Variants in PRTFDC1 observed in about 807,000 individuals in gnomAD.
The protein encoded by PRTFDC1 is phosphoribosyl transferase domain containing 1, also known as phosphoribosyltransferase domain-containing protein 1.
In PRTFDC1, 38 loss-of-function variants were observed where a neutral mutation model predicts 34.6. The ratio of observed to expected loss-of-function variants is 1.10; its 90% CI spans 0.85 to 1.44. The LOEUF is 1.44. PRTFDC1 is among the 40% of genes most tolerant of loss of function. The pLI, the probability that PRTFDC1 is intolerant of heterozygous loss-of-function variation, is 0.00. For missense variants in PRTFDC1, 270 were observed against 283.0 expected, an observed-to-expected ratio of 0.95 and a Z score of 0.33; for synonymous variants, 93 against 98.1, an observed-to-expected ratio of 0.95 and a Z score of 0.31.
At chr10:24,899,957 G>A (rs980795404) in intron 3 of PRTFDC1, among the ~76,000 whole-genome samples, 2 of 152,206 alleles carry the variant, frequency 1.3e-5, no homozygotes, top group East Asian at 1.9e-4. Flanking sequence ...GGTGGAAAAT[G>A]GATTGGAAAA....
intron 3 of PRTFDC1, among the ~76,000 whole-genome samples, chr10:24,892,203 T>A (rs1848274513): frequency 6.6e-6 from 1 of 152,102 alleles, no homozygotes. Context: ...CCCAGGCTGA[T>A]CTTGAACTCC....
At chr10:24,852,373 G>A (rs904226095) in intron 7 of PRTFDC1, among the ~76,000 whole-genome samples, 2 of 152,056 alleles carry the variant, frequency 1.3e-5, no homozygotes, top group African/African-American at 4.8e-5. Flanking sequence ...GGCCAGTCTC[G>A]AACTCTTGAC....
chr10:24,927,552 A>G (rs1189394497), intron 3 of PRTFDC1, among the ~76,000 whole-genome samples: 1 of 151,936 alleles, frequency 6.6e-6, no homozygotes, highest in African/African-American at 2.4e-5. Flanking sequence ...TGTTTGCAAA[A>G]GAGTATTGAA....
Position 24,921,290 on chromosome 10 carries a change from A to C in PRTFDC1, c.339+15894T>G, listed in dbSNP as rs189402345. On this transcript the variant is annotated intron_variant, in intron 3 of 8. Coordinates refer to ENST00000320152, the MANE Select transcript of PRTFDC1 (RefSeq NM_020200.7). Reference sequence around the variant, plus strand: ...TACACACGCCAATGTGAATTTTGGAAGTGTGAGTTGGGGCAGACTTCTGAG... The same window carrying C: ...TACACACGCCAATGTGAATTTTGGACGTGTGAGTTGGGGCAGACTTCTGAG... Among the ~76,000 whole-genome samples, 174 of 152,224 alleles carry C rather than the reference A, an allele frequency of 1.1e-3. 1 individual carries two copies. Among genetic ancestry groups the C allele is most frequent in the African/African-American group, 3.3e-3 (136 of 41,536 alleles).
chr10:24,942,429 T>C lies in PRTFDC1; in HGVS notation c.56A>G (p.Asp19Gly), dbSNP rs769211442. The C allele has an allele frequency of 1.2e-6, 2 of 1,611,942 alleles. No homozygotes were observed. The highest frequency in any genetic ancestry group is 2.2e-5 in the East Asian group (1 of 44,884). The change falls in exon 2 of 9, where the codon GAT becomes GGT. Residue 19 changes from aspartate (D) to glycine (G), a missense_variant. By Grantham distance (94) the Asp-to-Gly change is moderately conservative. Coordinates refer to ENST00000320152, the MANE Select transcript of PRTFDC1 (RefSeq NM_020200.7). ...PDYGRGVVIM[D>G]DWPGYDLNLF... Reference sequence around the variant, plus strand: ...ATTCAAGTCATACCCTGGCCAATCATCCATAATCTGCAAATCAAATTATTT... The same window carrying C: ...ATTCAAGTCATACCCTGGCCAATCACCCATAATCTGCAAATCAAATTATTT...
chr10:24,907,583 G>A (rs1031335465), intron 3 of PRTFDC1, among the ~76,000 whole-genome samples: 3 of 152,160 alleles, frequency 2.0e-5, no homozygotes, highest in Non-Finnish European at 4.4e-5. Context: ...GCAACAGAGT[G>A]AGACTCTGTC....
intron 3 of PRTFDC1, among the ~76,000 whole-genome samples, chr10:24,893,259 T>TCC (rs1466898528): frequency 1.3e-5 from 2 of 151,236 alleles, no homozygotes; most frequent in Non-Finnish European, 1.5e-5. Context: ...TCTTTTGTTC[T>TCC]CTCTCTCTCT....
At chr10:24,951,492 AC>A in intron 1 of PRTFDC1, 6 of 908,058 alleles carry the variant, frequency 6.6e-6, no homozygotes, top group Non-Finnish European at 7.9e-6. Context: ...ACTGAGCCCC[AC>A]ATTTCAACCT....
rs79518947 is a variant in PRTFDC1, at chr10:24,914,030, G to A, written c.339+23154C>T. Among the ~76,000 whole-genome samples, 28 of 152,276 alleles carry A rather than the reference G, an allele frequency of 1.8e-4. No individual in the cohort carries two copies. In the East Asian group the frequency reaches 5.2e-3, roughly 28 times the overall value. On this transcript the variant is annotated intron_variant, in intron 3 of 8. Transcript: ENST00000320152. ...GACCATGAACTCTAGTAGGAAAAGT[G>A]AAATCCAAAACTAACACTGCCCTAT...
intron 1 of PRTFDC1, among the ~76,000 whole-genome samples, chr10:24,951,789 T>C (rs960897799): frequency 6.6e-6 from 1 of 152,178 alleles, no homozygotes; most frequent in African/African-American, 2.4e-5. Flanking sequence ...GGGTACCCTC[T>C]GGCTGACACC....
In PRTFDC1 at chr10:24,942,339, A is replaced by T. The variant is rs1474775371; in HGVS notation, c.146T>A (p.Ile49Asn). 18 of 1,610,470 alleles carry T rather than the reference A, an allele frequency of 1.1e-5. No homozygotes were observed. In the African/African-American group the frequency reaches 2.3e-4, roughly 20 times the overall value. Residue 49 changes from isoleucine (I) to asparagine (N), a missense_variant, in exon 2 of 9, where the codon ATT becomes AAT. Physicochemically the swap from Ile to Asn is moderately radical, Grantham distance 149. Coordinates refer to ENST00000320152, the MANE Select transcript of PRTFDC1 (RefSeq NM_020200.7). ...AGGAAATCACACTCACCTGTCCACA[A>T]TGATACCATGAGGGATGAGGACATA... ...LEYVLIPHGI[I>N]VDRIERLAKD...
chr10:24,905,564 C>T (rs1205880422), intron 3 of PRTFDC1, among the ~76,000 whole-genome samples: 1 of 151,990 alleles, frequency 6.6e-6, no homozygotes, highest in African/African-American at 2.4e-5. Context: ...CCACCTGCCT[C>T]GGCCTCCCAA....
intron 3 of PRTFDC1, among the ~76,000 whole-genome samples, chr10:24,905,609 A>T (rs1422848955): frequency 1.3e-5 from 2 of 151,952 alleles, no homozygotes; most frequent in Non-Finnish European, 2.9e-5. Flanking sequence ...CACCTTGCCA[A>T]GCCAAGAAAT....
chr10:24,941,784 T>C lies in PRTFDC1; in HGVS notation c.155+546A>G, dbSNP rs1230804662. ...CTTCCCAAACTGGTATTAAGGGAAA[T>C]CTCTTCTGAGAGTTGTAAATAGGTA... is the stretch of plus-strand genomic sequence containing the variant. On this transcript the variant is annotated intron_variant, in intron 2 of 8. Coordinates refer to ENST00000320152, the MANE Select transcript of PRTFDC1 (RefSeq NM_020200.7). 2.0e-5 allele frequency among the ~76,000 whole-genome samples: 3 copies of C among 152,156 alleles called. No homozygotes were observed. The East Asian group carries it at 5.8e-4, about 29-fold the overall frequency.
intron 4 of PRTFDC1, among the ~76,000 whole-genome samples, chr10:24,861,794 C>T (rs988360506): frequency 7.9e-5 from 12 of 151,836 alleles, no homozygotes; most frequent in African/African-American, 1.9e-4. Context: ...AGTACAAATG[C>T]GTATTTTTAA....
chr10:24,920,488 C>T (rs1848771619), intron 3 of PRTFDC1, among the ~76,000 whole-genome samples: 1 of 152,044 alleles, frequency 6.6e-6, no homozygotes, highest in Non-Finnish European at 1.5e-5. Flanking sequence ...ACAATGAGAA[C>T]ACATGGACAC....
rs575667857 is a variant in PRTFDC1 at position 24,946,558 on chromosome 10, A to G, written c.49-4122T>C. 2.0e-5 allele frequency among the ~76,000 whole-genome samples: 3 copies of G among 152,278 alleles called. No homozygotes were observed. In the East Asian group the frequency reaches 5.8e-4, roughly 29 times the overall value. ...GAGCATGGACATGGAAATCTCACAC[A>G]CCTGGGACAAGCCTGCCAGCCATGA... On this transcript the variant is annotated intron_variant, in intron 1 of 8. Coordinates refer to ENST00000320152, the MANE Select transcript of PRTFDC1 (RefSeq NM_020200.7).
chr10:24,929,612 G>A (rs1345857029), intron 3 of PRTFDC1, among the ~76,000 whole-genome samples: 1 of 152,130 alleles, frequency 6.6e-6, no homozygotes, highest in Non-Finnish European at 1.5e-5. Context: ...TTGTACAGAG[G>A]TTAGCTAACC....
chr10:24,933,920 T>C (rs1374210468), intron 3 of PRTFDC1, among the ~76,000 whole-genome samples: 2 of 152,086 alleles, frequency 1.3e-5, no homozygotes, highest in African/African-American at 4.8e-5. Context: ...CTTGAGCTCC[T>C]GACCTCAGAT....
Sources: allele counts gnomAD v4.1 joint callset (sites outside exome capture counted in the v4.1 genomes callset), GRCh38; gene constraint gnomAD v4.1.1; transcripts MANE v1.5; gene names NCBI Gene and HGNC (gene_info 2026-07-23, HGNC 2026-07-21).